Variants in LAMA1 observed in about 807,000 individuals in gnomAD.
LAMA1 encodes the protein laminin subunit alpha 1.
Under a neutral mutation model 348.7 loss-of-function variants are expected in LAMA1, and 219 were observed. That is an observed-to-expected ratio of 0.63 (90% CI 0.56 to 0.70). The LOEUF (loss-of-function observed/expected upper bound fraction) is 0.70. LAMA1 is among the 30% of genes least tolerant of loss of function. The probability of loss-of-function intolerance (pLI) is 0.00; values close to 1 mark genes in which losing one functional copy is unlikely to be tolerated. For missense variants in LAMA1, 3,744 were observed against 3,888.0 expected (o/e 0.96, Z 0.99); for synonymous variants, 1,487 against 1,491.0 (o/e 1.00, Z 0.06).
At chr18:6,989,110 A>G (rs1600375724) in intron 36 of LAMA1, among the ~76,000 whole-genome samples, 1 of 152,202 alleles carries the variant, frequency 6.6e-6, no homozygotes, top group South Asian at 2.1e-4. Flanking sequence ...GGTGCCTACC[A>G]GTACAGCTCC....
chr18:7,083,517 C>T (rs2058202015), intron 1 of LAMA1, among the ~76,000 whole-genome samples: 1 of 151,918 alleles, frequency 6.6e-6, no homozygotes, highest in African/African-American at 2.4e-5. Context: ...AGAAAGATTG[C>T]TTTTTTATTG....
intron 36 of LAMA1, among the ~76,000 whole-genome samples, chr18:6,991,535 C>T (rs1261596452): frequency 6.6e-6 from 1 of 151,924 alleles, no homozygotes; most frequent in Admixed American, 6.6e-5. Flanking sequence ...AGATTACAGG[C>T]ATCTACCACC....
chr18:7,023,177 G>A lies in LAMA1; in HGVS notation c.2688C>T (p.Ala896=). ...TCACGCACTCACCGCGGCAGTTCTT[G>A]GCTGTCACAGCGTCCCCATAGAACC... ...ADGFYGDAVT[A]KNCRACECHV... The change falls in exon 19 of 63, where the codon GCC becomes GCT. Residue 896 remains alanine, a synonymous_variant. Transcript: ENST00000389658. 1.9e-6 allele frequency: 3 copies of A among 1,612,614 alleles called. No homozygotes were observed. Among genetic ancestry groups the A allele is most frequent in the Non-Finnish European group, 2.5e-6 (3 of 1,179,816 alleles).
At chr18:6,973,788 T>C (rs2057669174) in intron 46 of LAMA1, among the ~76,000 whole-genome samples, 1 of 152,226 alleles carries the variant, frequency 6.6e-6, no homozygotes, top group African/African-American at 2.4e-5. Context: ...CTTTACTTTT[T>C]AACTTTATTA....
intron 3 of LAMA1, chr18:7,079,735 G>A (rs762955195): frequency 3.8e-6 from 2 of 532,966 alleles, no homozygotes; most frequent in African/African-American, 1.9e-5. Flanking sequence ...ACACAGCTTC[G>A]AAGAACATCA....
chr18:7,006,835 G>A (rs1046520740), intron 29 of LAMA1, among the ~76,000 whole-genome samples: 1 of 152,134 alleles, frequency 6.6e-6, no homozygotes, highest in Admixed American at 6.5e-5. Flanking sequence ...AGTCTTATCA[G>A]ACCACTGTCC....
At chr18:6,964,948 A>G (rs2057625841) in intron 50 of LAMA1, 145 bp from the exon 51 acceptor site, 1 of 951,580 alleles carries the variant, frequency 1.1e-6, no homozygotes. Flanking sequence ...GTTCTTGGCT[A>G]TTGAAGGACA....
At chr18:7,021,847 T>TATATAA (rs1475542817) in intron 19 of LAMA1, among the ~76,000 whole-genome samples, 3 of 61,720 alleles carry the variant, frequency 4.9e-5, no homozygotes, top group African/African-American at 3.8e-4. Context: ...ATATATTATA[T>TATATAA]TATATTATAT....
rs58802341 is a variant in LAMA1, at chr18:7,108,640, CAAAAAAAAAAAAAAAA to C, written c.61+9004_61+9019del. Among the ~76,000 whole-genome samples the C allele has an allele frequency of 7.5e-5, 3 of 40,222 alleles. No individual in the cohort carries two copies. In the South Asian group the frequency reaches 5.0e-3, roughly 67 times the overall value. The allele number at this position is 40,222 out of a possible 152,430, so 26.4% of individuals were successfully genotyped here. ...CACTGCACTGAGACAGACTCTGTCT[CAAAAAAAAAAAAAAAA>C]AAAAAAAAAAAGCTAACTCCCTTTT... On this transcript the variant is annotated intron_variant, in intron 1 of 62. Transcript: ENST00000389658.
chr18:7,085,317 A>G (rs1163282827), intron 1 of LAMA1, among the ~76,000 whole-genome samples: 1 of 151,876 alleles, frequency 6.6e-6, no homozygotes, highest in Non-Finnish European at 1.5e-5. Flanking sequence ...AAGTTTCTAA[A>G]TTTCTCAATC....
Position 7,050,678 on chromosome 18 carries a change from C to T in LAMA1, c.588+16G>A, listed in dbSNP as rs527965677. The T allele has an allele frequency of 2.5e-5, 40 of 1,613,152 alleles. No individual in the cohort carries two copies. The East Asian group carries it at 6.0e-4, about 24-fold the overall frequency. On this transcript the variant is annotated intron_variant, in intron 4 of 62. Coordinates refer to ENST00000389658, the MANE Select transcript of LAMA1 (RefSeq NM_005559.4). ...GATGAGGAAACAGATCTTGCTGCAG[C>T]GGGCACCATACCTACCTCTCCATGC...
At chr18:7,022,405 A>G (rs2057921977) in intron 19 of LAMA1, among the ~76,000 whole-genome samples, 1 of 152,194 alleles carries the variant, frequency 6.6e-6, no homozygotes, top group African/African-American at 2.4e-5. Flanking sequence ...GATCAGCTTG[A>G]TTGGCCCAGG....
chr18:7,019,087 C>G lies in LAMA1; in HGVS notation c.2702-1703G>C, dbSNP rs989855353. 2.1e-4 allele frequency among the ~76,000 whole-genome samples: 32 copies of G among 152,032 alleles called. No individual in the cohort carries two copies. The East Asian group carries it at 2.3e-3, about 11-fold the overall frequency. On this transcript the variant is annotated intron_variant, in intron 19 of 62. Transcript: ENST00000389658. ...TGCCCCCATCAAACACAAGACACCC[C>G]CTCCCTTTTATCCTCCATCAGAACA... is the stretch of plus-strand genomic sequence containing the variant.
chr18:7,015,885 C>T (rs2057885450), intron 21 of LAMA1, 27 bp from the exon 22 acceptor site: 4 of 1,613,740 alleles, frequency 2.5e-6, no homozygotes, highest in Non-Finnish European at 3.4e-6. Context: ...TGCTGGGTTA[C>T]AGATCTGGGT....
chr18:7,047,951 T>G (rs111321827), intron 5 of LAMA1, among the ~76,000 whole-genome samples: 3,003 of 152,208 alleles, frequency 0.02, 86 homozygotes, highest in African/African-American at 0.068. Flanking sequence ...TACCATGATA[T>G]CTTGGTAAAT....
At chr18:6,959,607 C>T in intron 53 of LAMA1, 115 bp from the exon 54 acceptor site, 1 of 1,027,898 alleles carries the variant, frequency 9.7e-7, no homozygotes, top group Admixed American at 2.0e-5. Context: ...TAGAGCAATT[C>T]CTTAAGAATC....
chr18:7,074,281 T>A (rs2058157956), intron 3 of LAMA1, among the ~76,000 whole-genome samples: 1 of 152,196 alleles, frequency 6.6e-6, no homozygotes. Flanking sequence ...AAGGGGTATC[T>A]TATTGTGGTT....
chr18:7,031,680 C>CAAAT (rs35755639), intron 16 of LAMA1, among the ~76,000 whole-genome samples: 40 of 146,700 alleles, frequency 2.7e-4, no homozygotes, highest in African/African-American at 7.0e-4. Flanking sequence ...GACCCTGTCT[C>CAAAT]AAATAAATAA....
intron 1 of LAMA1, among the ~76,000 whole-genome samples, chr18:7,109,579 G>A (rs1287676401): frequency 6.6e-6 from 1 of 152,190 alleles, no homozygotes; most frequent in East Asian, 1.9e-4. Flanking sequence ...GTCTGGTTAG[G>A]TTTTCAGTGG....
Sources: gnomAD v4.1 joint callset for allele counts (sites outside exome capture counted in the v4.1 genomes callset) on GRCh38, gnomAD v4.1.1 for gene constraint, MANE v1.5 for transcripts, NCBI Gene and HGNC (gene_info 2026-07-23, HGNC 2026-07-21) for gene names.